MYO18B: variants seen among roughly 807,000 people sequenced by gnomAD.
MYO18B encodes the protein unconventional myosin-XVIIIb.
MYO18B carries 204 observed loss-of-function variants against 273.0 expected under a neutral mutation model. That is an observed-to-expected ratio of 0.75 (90% CI 0.67 to 0.84). The LOEUF is 0.84. Ranked by LOEUF, MYO18B falls within the 40% of genes least tolerant of loss-of-function variation. MYO18B has a pLI of 0.00. For missense variants in MYO18B, 3,212 were observed against 3,287.6 expected, an observed-to-expected ratio of 0.98 and a Z score of 0.56; for synonymous variants, 1,330 against 1,305.7, an observed-to-expected ratio of 1.02 and a Z score of -0.40.
intron 11 of MYO18B, among the ~76,000 whole-genome samples, chr22:25,796,031 A>G (rs1376728696): frequency 2.0e-5 from 3 of 152,116 alleles, no homozygotes; most frequent in African/African-American, 7.2e-5. Context: ...TTCATCACCC[A>G]AGTTCTCTAA....
rs993102837 is a variant in MYO18B at position 25,786,127 on chromosome 22, A to C, written c.2376+636A>C. On this transcript the variant is annotated intron_variant, in intron 11 of 43. Transcript: ENST00000335473. ...TCTCCCTTCTCTCGCAAATACCTTC[A>C]TCACCACCTATGCTGGGCCTGTGTT... Among the ~76,000 whole-genome samples, 42 of 152,202 alleles carry C rather than the reference A, an allele frequency of 2.8e-4. 1 individual carries two copies. The highest frequency in any genetic ancestry group is 2.7e-3 in the Admixed American group (42 of 15,284).
chr22:25,963,262 C>G (rs2092939873), intron 39 of MYO18B, among the ~76,000 whole-genome samples: 1 of 150,958 alleles, frequency 6.6e-6, no homozygotes, highest in African/African-American at 2.4e-5. Context: ...TCTAGGCTAC[C>G]ATAACAAATA....
chr22:26,026,849 G>C lies in MYO18B; in HGVS notation c.6875G>C (p.Gly2292Ala). ...ACTGGGGCCTCCACACTAAGGAGGG[G>C]CAGGGCTGGCAGTGACGAGGGAAAC... The part of the protein sequence containing the change: ...QTTGASTLRR[G>A]RAGSDEGNLS... The change falls in exon 43 of 44, where the codon GGC becomes GCC. Residue 2292 changes from glycine (G) to alanine (A), a missense_variant. Physicochemically the swap from Gly to Ala is moderately conservative, Grantham distance 60. Transcript: ENST00000335473. 1.3e-6 allele frequency: 2 copies of C among 1,592,930 alleles called. No individual in the cohort carries two copies. Among genetic ancestry groups the C allele is most frequent in the Non-Finnish European group, 8.5e-7 (1 of 1,169,822 alleles).
At chr22:26,017,967 G>GTTTTTTTTTTTTT in intron 42 of MYO18B, among the ~76,000 whole-genome samples, 2 of 9,782 alleles carry the variant, frequency 2.0e-4, no homozygotes, top group Non-Finnish European at 4.0e-4. Context: ...TTACTGTTTT[G>GTTTTTTTTTTTTT]TTTTTTTTTT....
At chr22:26,006,899 C>T (rs545823447) in intron 42 of MYO18B, among the ~76,000 whole-genome samples, 4 of 152,260 alleles carry the variant, frequency 2.6e-5, no homozygotes, top group African/African-American at 7.2e-5. Flanking sequence ...TGTCTATCTT[C>T]ATGTTACAGA....
At position 26,016,477 on chromosome 22, in the gene MYO18B, C is replaced by T. The variant is rs117653462; in HGVS notation, c.6471-9968C>T. Among the ~76,000 whole-genome samples, 25 of 152,272 alleles carry T rather than the reference C, an allele frequency of 1.6e-4. No individual in the cohort carries two copies. In the East Asian group the frequency reaches 2.9e-3, roughly 18 times the overall value. ...TGGTGTTAGAAATATGGAGAACTCA[C>T]TTTAGATTGTGTACTGGAAGTGGGT... On this transcript the variant is annotated intron_variant, in intron 42 of 43. Transcript: ENST00000335473.
chr22:25,874,230 C>A, intron 22 of MYO18B, 56 bp from the exon 23 acceptor site: 3 of 1,605,536 alleles, frequency 1.9e-6, no homozygotes, highest in Non-Finnish European at 2.6e-6. Flanking sequence ...AGCACCCCCC[C>A]ATTGTAGACA....
chr22:25,808,613 G>C (rs531596492), intron 12 of MYO18B, among the ~76,000 whole-genome samples: 1 of 152,248 alleles, frequency 6.6e-6, no homozygotes, highest in African/African-American at 2.4e-5. Flanking sequence ...TCTCCATCCA[G>C]TCCCCAATTT....
intron 42 of MYO18B, among the ~76,000 whole-genome samples, chr22:26,008,577 G>A (rs993756709): frequency 2.6e-5 from 4 of 152,306 alleles, no homozygotes; most frequent in South Asian, 2.1e-4. Flanking sequence ...CACCTAAAGC[G>A]TTATGATTTA....
chr22:25,771,479 T>G (rs1343430303), intron 6 of MYO18B, among the ~76,000 whole-genome samples: 1 of 152,242 alleles, frequency 6.6e-6, no homozygotes, highest in African/African-American at 2.4e-5. Flanking sequence ...AATACATTTT[T>G]GTTGTGCACC....
chr22:25,876,420 C>A (rs892883991), intron 24 of MYO18B, 88 bp downstream of exon 24: 5 of 1,396,792 alleles, frequency 3.6e-6, no homozygotes, highest in Non-Finnish European at 4.8e-6. Context: ...TGCCCCTATT[C>A]CTGAATGTTC....
At chr22:25,919,708 G>A (rs902458662) in intron 33 of MYO18B, among the ~76,000 whole-genome samples, 2 of 143,182 alleles carry the variant, frequency 1.4e-5, no homozygotes, top group Non-Finnish European at 3.1e-5. Context: ...GTGTGTGTGT[G>A]TATAATAGAA....
intron 34 of MYO18B, among the ~76,000 whole-genome samples, chr22:25,934,908 C>T (rs1418248108): frequency 4.0e-5 from 6 of 150,528 alleles, no homozygotes; most frequent in East Asian, 1.9e-4. Context: ...CTCGTGGTTC[C>T]GTCCCTCAGT....
the MYO18B span, among the ~76,000 whole-genome samples, chr22:26,051,846 A>T: frequency 1.3e-5 from 2 of 152,382 alleles, no homozygotes; most frequent in East Asian, 3.9e-4. Context: ...GAGCATATTA[A>T]ATAAATGTTT....
intron 11 of MYO18B, among the ~76,000 whole-genome samples, chr22:25,794,299 T>C (rs1230744056): frequency 6.6e-6 from 1 of 151,532 alleles, no homozygotes; most frequent in Admixed American, 6.6e-5. Flanking sequence ...CTTGATTTCG[T>C]AGGCTCAAGC....
chr22:25,862,302 T>C (rs1170469373), intron 21 of MYO18B, among the ~76,000 whole-genome samples: 1 of 152,178 alleles, frequency 6.6e-6, no homozygotes, highest in Non-Finnish European at 1.5e-5. Context: ...AAATCAACAA[T>C]AAAGCTTTAT....
intron 19 of MYO18B, 71 bp downstream of exon 19, chr22:25,846,354 CAT>C: frequency 6.6e-7 from 1 of 1,512,888 alleles, no homozygotes; most frequent in Non-Finnish European, 9.0e-7. Context: ...TGGGCTGAGT[CAT>C]GTGCCTACAT....
At chr22:25,957,892 C>A (rs2092872213) in intron 39 of MYO18B, among the ~76,000 whole-genome samples, 1 of 150,250 alleles carries the variant, frequency 6.7e-6, no homozygotes, top group African/African-American at 2.4e-5. Flanking sequence ...TCACCTTAAT[C>A]ATATCTACAA....
the MYO18B span, among the ~76,000 whole-genome samples, chr22:26,060,938 TACAC>T: frequency 9.9e-5 from 15 of 151,804 alleles, no homozygotes; most frequent in Admixed American, 2.0e-4. Context: ...CATTCACACA[TACAC>T]ATGCACACAC....
Sources: allele counts gnomAD v4.1 joint callset (sites outside exome capture counted in the v4.1 genomes callset), GRCh38; gene constraint gnomAD v4.1.1; transcripts MANE v1.5; gene names NCBI Gene and HGNC (gene_info 2026-07-23, HGNC 2026-07-21).